The following CPLX1 variants were observed in gnomAD, a reference collection of about 807,000 sequenced individuals.
The protein encoded by CPLX1 is complexin 1.
In CPLX1, 6 loss-of-function variants were observed where a neutral mutation model predicts 15.6. That is an observed-to-expected ratio of 0.39 (90% CI 0.21 to 0.76). The LOEUF (loss-of-function observed/expected upper bound fraction) is 0.76, where lower values mean the gene tolerates loss of function less well. CPLX1 is among the 30% of genes least tolerant of loss of function. The pLI is 0.43. For missense variants in CPLX1, 242 were observed against 188.6 expected (o/e 1.28, Z -1.66); for synonymous variants, 91 against 75.2 (o/e 1.21, Z -1.08).
intron 3 of CPLX1, chr4:786,973 G>C (rs1202942907): frequency 1.0e-6 from 1 of 985,312 alleles, no homozygotes; most frequent in African/African-American, 1.7e-5. Flanking sequence ...AGAGGGCTGT[G>C]GCCCCACCTC....
intron 2 of CPLX1, among the ~76,000 whole-genome samples, chr4:822,781 G>A (rs536493473): frequency 7.0e-4 from 106 of 152,272 alleles, no homozygotes; most frequent in South Asian, 6.0e-3. Context: ...GAGGCTCGCC[G>A]GGTGAGGGAC....
intron 2 of CPLX1, among the ~76,000 whole-genome samples, chr4:795,351 C>T (rs1328445953): frequency 6.6e-6 from 1 of 152,156 alleles, no homozygotes; most frequent in Non-Finnish European, 1.5e-5. Flanking sequence ...GCCTCGACCT[C>T]GACACCCCGC....
At chr4:822,487 G>C (rs1746890683) in intron 2 of CPLX1, among the ~76,000 whole-genome samples, 1 of 152,084 alleles carries the variant, frequency 6.6e-6, no homozygotes, top group South Asian at 2.1e-4. Flanking sequence ...TGTGCGTGCT[G>C]AATAACACAT....
At chr4:787,599 G>T in intron 3 of CPLX1, 2 of 849,368 alleles carry the variant, frequency 2.4e-6, no homozygotes, top group South Asian at 5.4e-5. Context: ...GGTCGCGAGT[G>T]GTCAAGAAAC....
Position 792,425 on chromosome 4 carries a change from G to A in CPLX1, c.207+8C>T. The A allele has an allele frequency of 1.3e-6, 2 of 1,538,188 alleles. No homozygotes were observed. Among genetic ancestry groups the A allele is most frequent in the Non-Finnish European group, 1.7e-6 (2 of 1,144,026 alleles). On this transcript the variant is annotated splice_region_variant and intron_variant, in intron 3 of 3. Coordinates refer to ENST00000304062, the MANE Select transcript of CPLX1 (RefSeq NM_006651.4). The stretch of plus-strand genomic sequence containing the variant: ...CCTTCCCGCAGGCGGGGCCGGCCCG[G>A]CGCGCACCTTGTCTCGGATGCCCTG...
At chr4:800,141 C>G (rs10004503) in intron 2 of CPLX1, among the ~76,000 whole-genome samples, 1 of 152,000 alleles carries the variant, frequency 6.6e-6, no homozygotes, top group Non-Finnish European at 1.5e-5. Context: ...TGTCCACTGC[C>G]GGACTGACTG....
chr4:806,647 G>C (rs1232583746), intron 2 of CPLX1, among the ~76,000 whole-genome samples: 2 of 152,146 alleles, frequency 1.3e-5, no homozygotes, highest in African/African-American at 4.8e-5. Context: ...CTATCCATCT[G>C]ACAAAGGTCT....
At chr4:808,389 C>T (rs531992481) in intron 2 of CPLX1, among the ~76,000 whole-genome samples, 330 of 152,274 alleles carry the variant, frequency 2.2e-3, no homozygotes, top group African/African-American at 7.6e-3. Flanking sequence ...CTCAATCCAG[C>T]GGCATGTCAG....
At chr4:787,699 T>C (rs1746042778) in intron 3 of CPLX1, 3 of 985,330 alleles carry the variant, frequency 3.0e-6, no homozygotes, top group Non-Finnish European at 3.6e-6. Flanking sequence ...TTTGTTCTTC[T>C]GCCCTCCAGG....
chr4:804,403 A>G (rs1361356673), intron 2 of CPLX1, among the ~76,000 whole-genome samples: 1 of 152,236 alleles, frequency 6.6e-6, no homozygotes, highest in Non-Finnish European at 1.5e-5. Context: ...TAGAAACAGG[A>G]ACAGGAATGA....
At chr4:825,561 C>T (rs1180522720) in intron 1 of CPLX1, among the ~76,000 whole-genome samples, 3 of 151,952 alleles carry the variant, frequency 2.0e-5, no homozygotes, top group African/African-American at 7.2e-5. Context: ...CTCGGCTTTG[C>T]GGGCGGGCGA....
At position 804,870 on chromosome 4, in the gene CPLX1, CGGCGGCAGCCATTTTGGAACGCA is replaced by C. The variant is rs772546945; in HGVS notation, c.32-12285_32-12263del. The stretch of plus-strand genomic sequence containing the variant: ...GCTCAGCCTCCACGGGAAAGGTGGG[CGGCGGCAGCCATTTTGGAACGCA>C]GGCGGCAGCCATTTTGGAACGCAGT... On this transcript the variant is annotated intron_variant, in intron 2 of 3. Transcript: ENST00000304062. 6.0e-5 allele frequency: 58 copies of C among 970,256 alleles called. 1 individual carries two copies. The highest frequency in any genetic ancestry group is 5.3e-4 in the Middle Eastern group (1 of 1,878). The allele number at this position is 970,256 out of a possible 1,614,324, so 60.1% of individuals were successfully genotyped here.
At chr4:805,443 C>T (rs193149370) in intron 2 of CPLX1, among the ~76,000 whole-genome samples, 1 of 152,140 alleles carries the variant, frequency 6.6e-6, no homozygotes, top group Non-Finnish European at 1.5e-5. Flanking sequence ...TTATCAAAAA[C>T]CAGGAAATCA....
chr4:802,310 T>C (rs1746474517), intron 2 of CPLX1, among the ~76,000 whole-genome samples: 3 of 152,222 alleles, frequency 2.0e-5, no homozygotes, highest in Admixed American at 2.0e-4. Flanking sequence ...AATTATTTAA[T>C]TTCATGTATG....
In CPLX1 at chr4:824,680, C is replaced by G. The variant is rs142104918; in HGVS notation, c.-79-79G>C. On this transcript the variant is annotated intron_variant, in intron 1 of 3. Transcript: ENST00000304062. ...TTCCCCAGAGACCATCATTCCTTAC[C>G]CGCAATACCTTGTGGGCTGGACCCT... is the stretch of plus-strand genomic sequence containing the variant. The G allele has an allele frequency of 1.5e-4, 119 of 801,734 alleles. 1 individual carries two copies. The Middle Eastern group carries it at 3.8e-3, about 25-fold the overall frequency. 49.7% of individuals were successfully genotyped at this position (801,734 alleles called of 1,614,324 possible).
At chr4:825,820 A>G (rs1389024525) in intron 1 of CPLX1, among the ~76,000 whole-genome samples, 2 of 78,720 alleles carry the variant, frequency 2.5e-5, no homozygotes, top group African/African-American at 1.0e-4. Context: ...GAGAGGCCGG[A>G]GCCGGGGGGA....
intron 2 of CPLX1, among the ~76,000 whole-genome samples, chr4:816,591 A>T (rs1017136262): frequency 6.6e-6 from 1 of 152,090 alleles, no homozygotes; most frequent in Non-Finnish European, 1.5e-5. Context: ...TGATTTTCTC[A>T]TATCACTTCT....
At chr4:803,976 G>A (rs75929899) in intron 2 of CPLX1, among the ~76,000 whole-genome samples, 2,895 of 152,356 alleles carry the variant, frequency 0.019, 35 homozygotes, top group Non-Finnish European at 0.028. Flanking sequence ...TGGCCTCACG[G>A]TGCCTTTTCT....
intron 2 of CPLX1, among the ~76,000 whole-genome samples, chr4:809,383 T>C (rs1448383047): frequency 6.6e-6 from 1 of 151,552 alleles, no homozygotes; most frequent in Middle Eastern, 3.2e-3. Flanking sequence ...CTCTGCCCTG[T>C]CTCACGCCCT....
Sources: gnomAD v4.1 joint callset for allele counts (sites outside exome capture counted in the v4.1 genomes callset) on GRCh38, gnomAD v4.1.1 for gene constraint, MANE v1.5 for transcripts, NCBI Gene and HGNC (gene_info 2026-07-23, HGNC 2026-07-21) for gene names.